The following NNT variants were observed in gnomAD, a reference collection of about 807,000 sequenced individuals.
NNT encodes NAD(P) transhydrogenase, mitochondrial.
A neutral mutation model predicts 104.8 loss-of-function variants in NNT; 50 were observed. The observed-to-expected ratio is 0.48, with a 90% confidence interval of 0.38 to 0.60. The LOEUF is 0.60. NNT is among the 20% of genes least tolerant of loss of function. NNT has a pLI of 0.00. For synonymous variants in NNT, 461 were observed against 490.4 expected, an observed-to-expected ratio of 0.94 and a Z score of 0.79; for missense variants, 1,131 against 1,330.7, an observed-to-expected ratio of 0.85 and a Z score of 2.33.
intron 2 of NNT, 105 bp downstream of exon 2, chr5:43,609,451 C>T: frequency 9.6e-7 from 1 of 1,039,092 alleles, no homozygotes; most frequent in Non-Finnish European, 1.4e-6. Flanking sequence ...TGGCCTGGTG[C>T]TTGTGAGTGA....
rs756389898 is a variant in NNT, at chr5:43,651,724, C to T, written c.1718-15C>T. 7 of 1,612,268 alleles carry T rather than the reference C, an allele frequency of 4.3e-6. No homozygotes were observed. In the South Asian group the frequency reaches 7.7e-5, roughly 18 times the overall value. On this transcript the variant is annotated splice_polypyrimidine_tract_variant and intron_variant, in intron 12 of 21. Transcript: ENST00000344920. ...AAAGAGGTACTATGTTTTTTATTTC[C>T]TTTGGTTTGCTAAGGTGGCTTTCTG...
At chr5:43,645,299 G>A in intron 9 of NNT, 58 bp from the exon 10 acceptor site, 1 of 1,168,856 alleles carries the variant, frequency 8.6e-7, no homozygotes, top group Non-Finnish European at 1.1e-6. Context: ...TATTCCTTAA[G>A]CAATTTTGAA....
intron 7 of NNT, among the ~76,000 whole-genome samples, chr5:43,641,735 T>G (rs143493753): frequency 3.8e-4 from 58 of 152,318 alleles, no homozygotes; most frequent in Admixed American, 2.0e-4. Flanking sequence ...GTGATACCCT[T>G]CAGTCTGTAC....
chr5:43,620,722 C>T lies in NNT; in HGVS notation c.687+1603C>T, dbSNP rs374121771. On this transcript the variant is annotated intron_variant, in intron 5 of 21. Coordinates refer to ENST00000344920, the MANE Select transcript of NNT (RefSeq NM_182977.3). ...AGAAAGTGTGAGCAAACAACACAGA[C>T]GTGAGATGTAAAATGATTAAATTTT... is the stretch of plus-strand genomic sequence containing the variant. Among the ~76,000 whole-genome samples, 88 of 152,264 alleles carry T rather than the reference C, an allele frequency of 5.8e-4. 1 individual carries two copies. The South Asian group carries it at 0.01, about 18-fold the overall frequency.
chr5:43,632,450 C>T (rs1458988677), intron 7 of NNT, among the ~76,000 whole-genome samples: 1 of 152,118 alleles, frequency 6.6e-6, no homozygotes, highest in Admixed American at 6.5e-5. Context: ...CCTAGGTATA[C>T]GTCACTTGGT....
At chr5:43,632,997 A>G (rs1750756921) in intron 7 of NNT, among the ~76,000 whole-genome samples, 1 of 152,218 alleles carries the variant, frequency 6.6e-6, no homozygotes, top group Non-Finnish European at 1.5e-5. Context: ...AATTTCACCT[A>G]AGTTCCAATG....
intron 17 of NNT, among the ~76,000 whole-genome samples, chr5:43,665,914 G>T (rs1740633332): frequency 6.6e-6 from 1 of 151,658 alleles, no homozygotes; most frequent in African/African-American, 2.4e-5. Flanking sequence ...CTTCCCGGAC[G>T]GGGTGGCGGC....
chr5:43,603,656 C>T (rs554779674), intron 1 of NNT, among the ~76,000 whole-genome samples: 1 of 152,140 alleles, frequency 6.6e-6, no homozygotes, highest in Admixed American at 6.5e-5. Flanking sequence ...CAGCGAGAGT[C>T]GTACGGGGTC....
At chr5:43,696,262 C>T (rs1742552104) in intron 19 of NNT, among the ~76,000 whole-genome samples, 1 of 152,192 alleles carries the variant, frequency 6.6e-6, no homozygotes, top group Non-Finnish European at 1.5e-5. Flanking sequence ...CTAAAGGCCC[C>T]TTGCAAGTTT....
At chr5:43,659,137 T>A (rs1245967954) in intron 16 of NNT, 34 bp from the exon 17 acceptor site, 1 of 1,520,794 alleles carries the variant, frequency 6.6e-7, no homozygotes, top group Non-Finnish European at 8.8e-7. Context: ...TTTTATGTTA[T>A]TAATTTTGAG....
intron 17 of NNT, among the ~76,000 whole-genome samples, chr5:43,671,254 C>T (rs1307451617): frequency 1.3e-5 from 2 of 152,124 alleles, no homozygotes; most frequent in East Asian, 3.9e-4. Flanking sequence ...CAGTCTGTGT[C>T]TTTTAATTGG....
chr5:43,653,060 G>C lies in NNT; in HGVS notation c.1906G>C (p.Ala636Pro). ...GGGTTTGTGCTGTGTCGGTGCCTTG[G>C]CTGGCCTCTCCACCCAGGGAACAGC... ...GSGLCCVGAL[A>P]GLSTQGTARL... The change falls in exon 14 of 22, where the codon GCT becomes CCT. Residue 636 changes from alanine (A) to proline (P), a missense_variant. Ala to Pro is a conservative substitution (Grantham distance 27). Coordinates refer to ENST00000344920, the MANE Select transcript of NNT (RefSeq NM_182977.3). 6.2e-7 allele frequency: 1 copy of C among 1,614,070 alleles called. No homozygotes were observed. Among genetic ancestry groups the C allele is most frequent in the South Asian group, 1.1e-5 (1 of 91,074 alleles).
chr5:43,651,588 A>T (rs895894998), intron 12 of NNT, 151 bp from the exon 13 acceptor site: 5 of 816,088 alleles, frequency 6.1e-6, no homozygotes, highest in Admixed American at 2.8e-5. Context: ...AAAAAAAAAA[A>T]TTTGAGGTTG....
chr5:43,666,719 GT>G (rs1736368396), intron 17 of NNT: 1 of 1,106,078 alleles, frequency 9.0e-7, no homozygotes, highest in Non-Finnish European at 1.3e-6. Context: ...AGGGACGGGG[GT>G]GGGGGGTCGC....
rs1743016683 is a variant in NNT at position 43,704,480 on chromosome 5, C to G, written c.*76C>G. ...AACAGGCAAATAAAGTATCAGTATA[C>G]ATGGTGATGTACATCTGTAGCAAAG... On this transcript the variant is annotated 3_prime_UTR_variant, in exon 22 of 22. Coordinates refer to ENST00000344920, the MANE Select transcript of NNT (RefSeq NM_182977.3). 6.9e-7 allele frequency: 1 copy of G among 1,448,328 alleles called. No homozygotes were observed. Among genetic ancestry groups the G allele is most frequent in the South Asian group, 1.2e-5 (1 of 83,886 alleles). 89.7% of individuals were successfully genotyped at this position (1,448,328 alleles called of 1,614,324 possible). A position where few individuals can be genotyped will look rare whatever the true frequency, so the allele number is the denominator to read the frequency against.
chr5:43,707,347 AT>A lies in NNT; in HGVS notation c.*2944del, dbSNP rs2112283868. Reference sequence around the variant, plus strand: ...AAGATTTTGTCATTCCACAATGTATATATACTTAAAAATATGTTATACACAA... The same window carrying A: ...AAGATTTTGTCATTCCACAATGTATAATACTTAAAAATATGTTATACACAA... On this transcript the variant is annotated 3_prime_UTR_variant, in exon 22 of 22. Coordinates refer to ENST00000344920, the MANE Select transcript of NNT (RefSeq NM_182977.3). 1.3e-5 allele frequency: 2 copies of A among 152,312 alleles called. No homozygotes were observed. The highest frequency in any genetic ancestry group is 4.1e-4 in the South Asian group (2 of 4,832). The allele number at this position is 152,312 out of a possible 1,614,324, so 9.4% of individuals were successfully genotyped here.
intron 12 of NNT, 34 bp downstream of exon 12, chr5:43,650,621 T>A: frequency 6.9e-7 from 1 of 1,458,820 alleles, no homozygotes; most frequent in Non-Finnish European, 9.6e-7. Flanking sequence ...AGTACTATTT[T>A]CAATGGAGAC....
At chr5:43,693,570 A>C (rs964537178) in intron 19 of NNT, among the ~76,000 whole-genome samples, 2 of 152,242 alleles carry the variant, frequency 1.3e-5, no homozygotes, top group Non-Finnish European at 2.9e-5. Context: ...CTACATGAAA[A>C]GTATGCACAT....
rs1349528796 is a variant in NNT, at chr5:43,622,525, C to T, written c.688-1507C>T. Among the ~76,000 whole-genome samples, 5 of 152,200 alleles carry T rather than the reference C, an allele frequency of 3.3e-5. No homozygotes were observed. In the East Asian group the frequency reaches 9.6e-4, roughly 29 times the overall value. On this transcript the variant is annotated intron_variant, in intron 5 of 21. Coordinates refer to ENST00000344920, the MANE Select transcript of NNT (RefSeq NM_182977.3). The stretch of plus-strand genomic sequence containing the variant: ...TCAAGCGATCCTCCTGTCTTGGCCT[C>T]CCAAAGCGCTGGGATCACAGGCCTG...
Sources: gnomAD v4.1 joint callset for allele counts (sites outside exome capture counted in the v4.1 genomes callset) on GRCh38, gnomAD v4.1.1 for gene constraint, MANE v1.5 for transcripts, NCBI Gene and HGNC (gene_info 2026-07-23, HGNC 2026-07-21) for gene names.